The following MSANTD3 variants were observed in gnomAD, a reference collection of about 807,000 sequenced individuals.
MSANTD3 encodes the protein Myb/SANT DNA binding domain containing 3, also known as myb/SANT-like DNA-binding domain-containing protein 3.
Under a neutral mutation model 27.7 loss-of-function variants are expected in MSANTD3, and 11 were observed. The observed-to-expected ratio is 0.40, with a 90% CI of 0.25 to 0.66. The LOEUF (loss-of-function observed/expected upper bound fraction) is 0.66. MSANTD3 is among the 30% of genes least tolerant of loss of function. The pLI is 0.41. For synonymous variants in MSANTD3, 131 were observed against 127.2 expected, an observed-to-expected ratio of 1.03 and a Z score of -0.20; for missense variants, 250 against 336.5, an observed-to-expected ratio of 0.74 and a Z score of 2.01.
At chr9:100,430,404 C>T (rs1836346173) in intron 1 of MSANTD3, among the ~76,000 whole-genome samples, 2 of 150,998 alleles carry the variant, frequency 1.3e-5, no homozygotes, top group African/African-American at 2.4e-5. Context: ...AAGGAAGCCG[C>T]GTGTTGAGTT....
At chr9:100,448,376 G>T in intron 2 of MSANTD3, 1 of 985,254 alleles carries the variant, frequency 1.0e-6, no homozygotes, top group Non-Finnish European at 1.2e-6. Flanking sequence ...CTTCAAAGAA[G>T]ACATTTTCAG....
chr9:100,450,757 A>G lies in MSANTD3; in HGVS notation c.619A>G (p.Ile207Val), dbSNP rs762983763. The change falls in exon 3 of 3, where the codon ATC becomes GTC. Residue 207 changes from isoleucine to valine, a missense_variant. By Grantham distance (29) the Ile-to-Val change is conservative. Coordinates refer to ENST00000395067, the MANE Select transcript of MSANTD3 (RefSeq NM_080655.3). ...GGAAGAACACCATCAACAAATGTCC[A>G]TCTTACAACTGCAACTGATACAAAT... ...HEEEHHQQMS[I>V]LQLQLIQMNE... is the part of the protein sequence containing the mutation. The G allele has an allele frequency of 1.2e-6, 2 of 1,614,114 alleles. No homozygotes were observed. Among genetic ancestry groups the G allele is most frequent in the South Asian group, 1.1e-5 (1 of 91,020 alleles).
chr9:100,447,422 A>C (rs1201183756), intron 2 of MSANTD3, among the ~76,000 whole-genome samples: 1 of 152,196 alleles, frequency 6.6e-6, no homozygotes, highest in East Asian at 1.9e-4. Context: ...TAAAAAGAGT[A>C]GTTTTAAAGA....
rs951268749 is a variant in MSANTD3 at position 100,451,660 on chromosome 9, T to G, written c.*694T>G. 1 of 151,928 alleles carries G rather than the reference T, an allele frequency of 6.6e-6. No individual in the cohort carries two copies. The highest frequency in any genetic ancestry group is 2.4e-5 in the African/African-American group (1 of 41,320). The allele number at this position is 151,928 out of a possible 1,614,324, so 9.4% of individuals were successfully genotyped here. On this transcript the variant is annotated 3_prime_UTR_variant, in exon 3 of 3. Transcript: ENST00000395067. ...GTTGGAGCTAAGGATGTAACTACTT[T>G]GAGGAAGAAATGTTCGTTTAGATTT...
intron 1 of MSANTD3, among the ~76,000 whole-genome samples, chr9:100,432,364 T>C (rs1427852723): frequency 6.6e-6 from 1 of 152,184 alleles, no homozygotes; most frequent in Non-Finnish European, 1.5e-5. Flanking sequence ...CCAATTACTC[T>C]CACCTCTGGA....
chr9:100,442,169 C>G lies in MSANTD3; in HGVS notation c.231C>G (p.Ile77Met). The change falls in exon 2 of 3, where the codon ATC becomes ATG. Residue 77 changes from isoleucine (I) to methionine (M), a missense_variant. Coordinates refer to ENST00000395067, the MANE Select transcript of MSANTD3 (RefSeq NM_080655.3). The stretch of plus-strand genomic sequence containing the variant: ...AGCTGAAGAAGTGCTGGGAGAACAT[C>G]AAGGCTCGGACCAAAAAAATTATGG... ...FKQLKKCWEN[I>M]KARTKKIMAH... 1 of 1,614,118 alleles carries G rather than the reference C, an allele frequency of 6.2e-7. No individual in the cohort carries two copies. Among genetic ancestry groups the G allele is most frequent in the Non-Finnish European group, 8.5e-7 (1 of 1,180,018 alleles).
intron 1 of MSANTD3, among the ~76,000 whole-genome samples, chr9:100,438,076 C>T (rs986700139): frequency 6.6e-6 from 1 of 152,180 alleles, no homozygotes; most frequent in Non-Finnish European, 1.5e-5. Context: ...AGGTACTGCA[C>T]ACATCTTGAG....
intron 1 of MSANTD3, among the ~76,000 whole-genome samples, chr9:100,437,371 A>G (rs1307593158): frequency 6.6e-6 from 1 of 152,218 alleles, no homozygotes; most frequent in African/African-American, 2.4e-5. Flanking sequence ...GGTCTGAAAC[A>G]AGAGAGCTAA....
chr9:100,442,941 A>G (rs923346677), intron 2 of MSANTD3, among the ~76,000 whole-genome samples: 2 of 152,054 alleles, frequency 1.3e-5, no homozygotes, highest in African/African-American at 4.8e-5. Flanking sequence ...TGGAGTTCTT[A>G]TTAGTGAGGT....
chr9:100,441,740 C>T (rs139504581), intron 1 of MSANTD3, among the ~76,000 whole-genome samples, 166 bp from the exon 2 acceptor site: 79 of 152,334 alleles, frequency 5.2e-4, no homozygotes, highest in African/African-American at 1.9e-3. Flanking sequence ...ATTCCTAGTA[C>T]ATTTCTAAAT....
At chr9:100,449,265 C>T in intron 2 of MSANTD3, 2 of 985,160 alleles carry the variant, frequency 2.0e-6, no homozygotes, top group Non-Finnish European at 2.4e-6. Context: ...AACATAGCAC[C>T]TACCAAACGT....
chr9:100,439,035 C>G (rs1836542773), intron 1 of MSANTD3, among the ~76,000 whole-genome samples: 1 of 152,144 alleles, frequency 6.6e-6, no homozygotes. Flanking sequence ...TGTCTGATAC[C>G]TGATGTGTCC....
In MSANTD3 at chr9:100,427,174, G is replaced by A. The variant is rs1234546973; in HGVS notation, c.-253G>A. ...GGCGCCGACGGACCGGCAGGCGGCGGGCGGTCCGCGAGGGGGCGGCGGCGT... is the reference window on the plus strand; with the variant it reads ...GGCGCCGACGGACCGGCAGGCGGCGAGCGGTCCGCGAGGGGGCGGCGGCGT... On this transcript the variant is annotated 5_prime_UTR_variant, in exon 1 of 3. Coordinates refer to ENST00000395067, the MANE Select transcript of MSANTD3 (RefSeq NM_080655.3). The A allele has an allele frequency of 6.8e-6, 1 of 147,050 alleles. No individual in the cohort carries two copies. Among genetic ancestry groups the A allele is most frequent in the African/African-American group, 2.4e-5 (1 of 40,886 alleles). The allele number at this position is 147,050 out of a possible 1,614,324, so 9.1% of individuals were successfully genotyped here. A position where few individuals can be genotyped will look rare whatever the true frequency, so the allele number is the denominator to read the frequency against.
At chr9:100,429,235 A>C (rs1836310276) in intron 1 of MSANTD3, among the ~76,000 whole-genome samples, 1 of 152,218 alleles carries the variant, frequency 6.6e-6, no homozygotes, top group Non-Finnish European at 1.5e-5. Flanking sequence ...AGGGAACATC[A>C]TGCATACTTG....
At chr9:100,441,795 G>C in intron 1 of MSANTD3, 111 bp from the exon 2 acceptor site, 1 of 1,217,342 alleles carries the variant, frequency 8.2e-7, no homozygotes, top group Non-Finnish European at 1.1e-6. Context: ...TAATGGAAAA[G>C]AAAGTACTGT....
intron 1 of MSANTD3, among the ~76,000 whole-genome samples, chr9:100,439,144 T>C (rs535109132): frequency 6.0e-4 from 92 of 152,316 alleles, no homozygotes; most frequent in African/African-American, 2.1e-3. Context: ...CAGTGCGTAG[T>C]GAGAGACCGT....
chr9:100,450,911 T>C lies in MSANTD3; in HGVS notation c.773T>C (p.Phe258Ser). The C allele has an allele frequency of 6.2e-7, 1 of 1,612,300 alleles. No homozygotes were observed. The highest frequency in any genetic ancestry group is 8.5e-7 in the Non-Finnish European group (1 of 1,179,534). The change falls in exon 3 of 3, where the codon TTT becomes TCT. Residue 258 changes from phenylalanine (F) to serine (S), a missense_variant. This residue lies in a region of MSANTD3 where 235 missense variants were observed against 299.3 expected (regional missense o/e 0.79). Transcript: ENST00000395067. ...KMYWERKLQT[F>S]TKEWPVSSFN... Reference sequence around the variant, plus strand: ...TATTGGGAAAGAAAACTACAAACTTTTACCAAGGAATGGCCTGTTTCCTCA... The same window carrying C: ...TATTGGGAAAGAAAACTACAAACTTCTACCAAGGAATGGCCTGTTTCCTCA...
intron 2 of MSANTD3, chr9:100,448,219 A>C (rs1210067225): frequency 2.0e-6 from 2 of 979,672 alleles, no homozygotes; most frequent in Non-Finnish European, 2.4e-6. Flanking sequence ...AAAAAAGAAG[A>C]AGAAGAAATT....
At chr9:100,443,113 C>T (rs1451415757) in intron 2 of MSANTD3, among the ~76,000 whole-genome samples, 1 of 151,998 alleles carries the variant, frequency 6.6e-6, no homozygotes, top group Non-Finnish European at 1.5e-5. Flanking sequence ...TTAAAAGAGT[C>T]AACCGGCTGG....
Sources: allele counts gnomAD v4.1 joint callset (sites outside exome capture counted in the v4.1 genomes callset), GRCh38; gene constraint gnomAD v4.1.1; regional missense constraint gnomAD v4.1.1; transcripts MANE v1.5; gene names NCBI Gene and HGNC (gene_info 2026-07-23, HGNC 2026-07-21).